RET: variants seen among roughly 807,000 people sequenced by gnomAD.
The protein encoded by RET is ret proto-oncogene.
In RET, 19 loss-of-function variants were observed where a neutral mutation model predicts 118.3. The observed-to-expected ratio is 0.16, with a 90% CI of 0.11 to 0.24. RET has a LOEUF of 0.24. RET is among the 10% of genes least tolerant of loss of function. RET has a pLI of 1.00. For missense variants in RET, 1,219 were observed against 1,502.1 expected (o/e 0.81, Z 3.12); for synonymous variants, 597 against 644.1 (o/e 0.93, Z 1.11).
rs542929085 is a variant in RET at position 43,102,775 on chromosome 10, G to A, written c.625+146G>A. The A allele has an allele frequency of 3.6e-4, 336 of 944,780 alleles. 4 individuals carry two copies. In the South Asian group the frequency reaches 4.6e-3, roughly 13 times the overall value. 58.5% of individuals were successfully genotyped at this position (944,780 alleles called of 1,614,324 possible). ...TTCCAGAAGTACCTCTTGCATGCCT[G>A]CCAGGGGCCAGGTACTGTTCTAGGA... On this transcript the variant is annotated intron_variant, in intron 3 of 19. Transcript: ENST00000355710.
At chr10:43,095,488 G>A (rs991652188) in intron 1 of RET, among the ~76,000 whole-genome samples, 1 of 152,218 alleles carries the variant, frequency 6.6e-6, no homozygotes, top group Non-Finnish European at 1.5e-5. Context: ...TGGACGGAGT[G>A]TGTGGATTGA....
chr10:43,121,900 A>C, intron 15 of RET, 46 bp from the exon 16 acceptor site: 6 of 1,458,376 alleles, frequency 4.1e-6, no homozygotes, highest in Non-Finnish European at 4.8e-6. Flanking sequence ...CCTCCTTCCT[A>C]GAGAGTTAGA....
At chr10:43,080,559 T>C (rs1444796547) in intron 1 of RET, among the ~76,000 whole-genome samples, 1 of 152,188 alleles carries the variant, frequency 6.6e-6, no homozygotes, top group Admixed American at 6.5e-5. Flanking sequence ...TCTGGGCCAG[T>C]GGTGTGGGTC....
At chr10:43,118,203 G>A (rs1838117363) in intron 12 of RET, among the ~76,000 whole-genome samples, 170 bp from the exon 13 acceptor site, 1 of 152,128 alleles carries the variant, frequency 6.6e-6, no homozygotes, top group South Asian at 2.1e-4. Flanking sequence ...GGTGGATGAG[G>A]CCCCTGTCCA....
intron 1 of RET, among the ~76,000 whole-genome samples, chr10:43,098,808 G>T (rs1221258204): frequency 6.6e-6 from 1 of 152,154 alleles, no homozygotes; most frequent in Non-Finnish European, 1.5e-5. Context: ...TGGCCACTGA[G>T]GTTGCTTCCA....
intron 11 of RET, among the ~76,000 whole-genome samples, chr10:43,115,784 A>G (rs1446989595): frequency 6.6e-6 from 1 of 152,214 alleles, no homozygotes; most frequent in African/African-American, 2.4e-5. Flanking sequence ...TGCTTATTGC[A>G]GTCTCTAGAG....
intron 1 of RET, among the ~76,000 whole-genome samples, chr10:43,088,242 G>A (rs377312779): frequency 0.026 from 3,882 of 150,812 alleles, 99 homozygotes; most frequent in East Asian, 0.09. Context: ...TGGTGGTGGT[G>A]ATGGTGGTGG....
intron 2 of RET, among the ~76,000 whole-genome samples, chr10:43,101,339 C>T (rs1249522796): frequency 2.0e-5 from 3 of 152,254 alleles, no homozygotes; most frequent in South Asian, 2.1e-4. Context: ...ACAGCTTGCA[C>T]AGCCCTCACA....
chr10:43,103,200 G>A (rs914251067), intron 3 of RET, among the ~76,000 whole-genome samples: 4 of 152,196 alleles, frequency 2.6e-5, no homozygotes, highest in Non-Finnish European at 5.9e-5. Flanking sequence ...GGCTTTCTCC[G>A]GAGGAACATG....
chr10:43,127,158 G>A lies in RET; in HGVS notation c.3187+436G>A, dbSNP rs532415524. On this transcript the variant is annotated intron_variant, in intron 19 of 19. Coordinates refer to ENST00000355710, the MANE Select transcript of RET (RefSeq NM_020975.6). ...CAGCCTGCACTGGGAGCACAGCCAGGTTCCCCCAGACCCCTCCTGGGCAGG... is the reference window on the plus strand; with the variant it reads ...CAGCCTGCACTGGGAGCACAGCCAGATTCCCCCAGACCCCTCCTGGGCAGG... 9 of 1,110,332 alleles carry A rather than the reference G, an allele frequency of 8.1e-6. No homozygotes were observed. In the Admixed American group the frequency reaches 2.8e-4, roughly 35 times the overall value. The allele number at this position is 1,110,332 out of a possible 1,614,324, so 68.8% of individuals were successfully genotyped here. A position where few individuals can be genotyped will look rare whatever the true frequency, so the allele number is the denominator to read the frequency against.
chr10:43,081,853 A>G (rs1305296497), intron 1 of RET, among the ~76,000 whole-genome samples: 1 of 152,204 alleles, frequency 6.6e-6, no homozygotes. Context: ...TTGTCCCCTG[A>G]GGCAGGCTGT....
rs758159521 is a variant in RET, at chr10:43,106,392, C to T, written c.884C>T (p.Thr295Met). 1.5e-5 allele frequency: 24 copies of T among 1,611,632 alleles called. No homozygotes were observed. In the East Asian group the frequency reaches 4.2e-4, roughly 28 times the overall value. The change falls in exon 5 of 20, where the codon ACG (threonine) becomes ATG (methionine). Residue 295 changes from threonine (T) to methionine (M), a missense_variant. By Grantham distance (81) the Thr-to-Met change is moderately conservative (BLOSUM62 -1). Around this residue, in one of 5 missense-constraint regions of RET, gnomAD observed 850 missense variants for 969.6 expected, o/e 0.88. Transcript: ENST00000355710. This position sits in a 1 kb window ranked among gnomAD's most constrained non-coding sequence, Gnocchi z 5.1. ...FKRKEDTVVA[T>M]LRVFDADVVP... is the part of the protein sequence containing the mutation. ...ATCCTGCAGGACACCGTGGTGGCCA[C>T]GCTGCGTGTCTTCGATGCAGACGTG... is the stretch of plus-strand genomic sequence containing the variant.
chr10:43,112,799 G>A (rs1252825964), intron 8 of RET, 54 bp from the exon 9 acceptor site: 1 of 1,407,838 alleles, frequency 7.1e-7, no homozygotes, highest in African/African-American at 1.4e-5. Flanking sequence ...GAGGTGGTGG[G>A]GGCGTGTGGC....
chr10:43,081,476 G>T (rs1199881727), intron 1 of RET, among the ~76,000 whole-genome samples: 1 of 152,158 alleles, frequency 6.6e-6, no homozygotes, highest in Non-Finnish European at 1.5e-5. Context: ...TTCCGCATGC[G>T]TGTGTGGCAA....
chr10:43,079,241 G>C (rs904000411), intron 1 of RET, among the ~76,000 whole-genome samples: 1 of 152,084 alleles, frequency 6.6e-6, no homozygotes, highest in Non-Finnish European at 1.5e-5. Flanking sequence ...AGCACTTGCT[G>C]CCAAGGCTGT....
At chr10:43,113,812 C>T (rs1838000692) in intron 10 of RET, 137 bp downstream of exon 10, 1 of 1,288,448 alleles carries the variant, frequency 7.8e-7, no homozygotes. Context: ...TCCCTCTGGG[C>T]CTCTGTTACT....
At chr10:43,102,289 G>T in intron 2 of RET, 53 bp from the exon 3 acceptor site, 2 of 1,607,330 alleles carry the variant, frequency 1.2e-6, no homozygotes, top group South Asian at 2.2e-5. Context: ...CCCCATTCCC[G>T]ACTGCCTGGC....
intron 1 of RET, among the ~76,000 whole-genome samples, chr10:43,091,757 A>G (rs533990635): frequency 5.9e-5 from 9 of 151,690 alleles, no homozygotes; most frequent in African/African-American, 2.2e-4. Flanking sequence ...ATTGCCACTC[A>G]TTAGAGAAAT....
intron 1 of RET, among the ~76,000 whole-genome samples, chr10:43,094,676 G>A (rs1232527970): frequency 6.6e-6 from 1 of 152,196 alleles, no homozygotes; most frequent in Non-Finnish European, 1.5e-5. Flanking sequence ...GTGAGCCCCT[G>A]CCTCCACAGA....
Sources: allele counts gnomAD v4.1 joint callset (sites outside exome capture counted in the v4.1 genomes callset), GRCh38; gene constraint gnomAD v4.1.1; regional missense constraint gnomAD v4.1.1; non-coding constraint Gnocchi (gnomAD v3.1); transcripts MANE v1.5; gene names NCBI Gene and HGNC (gene_info 2026-07-23, HGNC 2026-07-21).